Variants in MAGI2 observed in about 807,000 individuals in gnomAD.
MAGI2 encodes the protein membrane-associated guanylate kinase, WW and PDZ domain-containing protein 2.
In MAGI2, 35 loss-of-function variants were observed where a neutral mutation model predicts 133.3. The ratio of observed to expected loss-of-function variants is 0.26; its 90% CI spans 0.20 to 0.35. The LOEUF is 0.35. Among genes scored for constraint, MAGI2 ranks in the 10% least tolerant of loss-of-function variants. MAGI2 has a pLI of 1.00. For synonymous variants in MAGI2, 729 were observed against 710.6 expected, an observed-to-expected ratio of 1.03 and a Z score of -0.41; for missense variants, 1,636 against 1,863.4, an observed-to-expected ratio of 0.88 and a Z score of 2.25.
intron 10 of MAGI2, among the ~76,000 whole-genome samples, chr7:78,236,027 GTTTT>G (rs34874243): frequency 1.5e-5 from 2 of 134,630 alleles, no homozygotes; most frequent in Non-Finnish European, 3.2e-5. Flanking sequence ...AAGACTGTAT[GTTTT>G]TTTTTTTTTT....
At chr7:78,491,880 T>C (rs1284169966) in intron 5 of MAGI2, among the ~76,000 whole-genome samples, 2 of 55,770 alleles carry the variant, frequency 3.6e-5, no homozygotes, top group Non-Finnish European at 6.2e-5. Context: ...ATTGTGTGTG[T>C]GTGTGTGTGT....
At chr7:78,416,150 T>C (rs894912441) in intron 6 of MAGI2, among the ~76,000 whole-genome samples, 1 of 152,088 alleles carries the variant, frequency 6.6e-6, no homozygotes, top group Non-Finnish European at 1.5e-5. Context: ...AGGTATAACA[T>C]GGTCTGAAAT....
intron 20 of MAGI2, among the ~76,000 whole-genome samples, chr7:78,110,351 T>G (rs1819230513): frequency 6.6e-6 from 1 of 152,152 alleles, no homozygotes; most frequent in Admixed American, 6.5e-5. Flanking sequence ...TATGCATCCT[T>G]CAGGCAGATA....
intron 10 of MAGI2, among the ~76,000 whole-genome samples, chr7:78,228,681 C>T (rs1789651900): frequency 6.6e-6 from 1 of 151,942 alleles, no homozygotes; most frequent in Non-Finnish European, 1.5e-5. Context: ...GTAGATGTGG[C>T]AAATCTTTAT....
At chr7:79,304,441 G>T (rs533688967) in intron 1 of MAGI2, among the ~76,000 whole-genome samples, 5 of 151,920 alleles carry the variant, frequency 3.3e-5, no homozygotes, top group African/African-American at 1.2e-4. Flanking sequence ...GATGGGAGAC[G>T]GAAGGTTGAA....
At chr7:78,271,998 T>C (rs1240656187) in intron 9 of MAGI2, among the ~76,000 whole-genome samples, 1 of 152,198 alleles carries the variant, frequency 6.6e-6, no homozygotes, top group Non-Finnish European at 1.5e-5. Context: ...TTTGAGTTTG[T>C]ATGTTCTTGC....
chr7:78,980,627 T>C (rs1210716932), intron 2 of MAGI2, among the ~76,000 whole-genome samples: 1 of 151,902 alleles, frequency 6.6e-6, no homozygotes, highest in Non-Finnish European at 1.5e-5. Context: ...AAGTTAGCCA[T>C]TATTATTGTT....
intron 2 of MAGI2, among the ~76,000 whole-genome samples, chr7:78,773,672 G>A (rs970338325): frequency 6.6e-6 from 1 of 152,196 alleles, no homozygotes; most frequent in African/African-American, 2.4e-5. Context: ...CAGTCACATA[G>A]AATAGGTAAC....
intron 3 of MAGI2, among the ~76,000 whole-genome samples, chr7:78,556,906 G>C (rs2150723783): frequency 7.0e-6 from 1 of 142,360 alleles, no homozygotes; most frequent in Admixed American, 7.3e-5. Flanking sequence ...GGCTAACATG[G>C]TGAAACCCCG....
intron 7 of MAGI2, chr7:78,359,334 T>C (rs1293400757): frequency 2.6e-5 from 4 of 152,204 alleles, no homozygotes; most frequent in Admixed American, 2.0e-4. Flanking sequence ...CTTACTGTTA[T>C]TCAAAGGATA....
intron 2 of MAGI2, among the ~76,000 whole-genome samples, chr7:78,698,603 T>G (rs1457772855): frequency 6.6e-6 from 1 of 152,238 alleles, no homozygotes; most frequent in Admixed American, 6.5e-5. Flanking sequence ...TGTATTAGCC[T>G]GTTCTCACAC....
chr7:78,042,495 C>T (rs920451242), intron 21 of MAGI2, among the ~76,000 whole-genome samples: 9 of 152,146 alleles, frequency 5.9e-5, no homozygotes, highest in African/African-American at 2.2e-4. Context: ...TATTGTAGTA[C>T]AGGGTTTAAG....
At chr7:79,279,426 C>T (rs1263377406) in intron 1 of MAGI2, among the ~76,000 whole-genome samples, 1 of 152,164 alleles carries the variant, frequency 6.6e-6, no homozygotes, top group Non-Finnish European at 1.5e-5. Flanking sequence ...GTAGCCTGGA[C>T]AGAGCCCTAG....
chr7:79,151,048 A>T (rs1039580963), intron 1 of MAGI2, among the ~76,000 whole-genome samples: 1 of 152,006 alleles, frequency 6.6e-6, no homozygotes, highest in Non-Finnish European at 1.5e-5. Context: ...GACCAGGCAG[A>T]CTTTTTAAAA....
At chr7:78,584,421 GAAAAAA>G (rs57844382) in intron 3 of MAGI2, among the ~76,000 whole-genome samples, 10 of 83,934 alleles carry the variant, frequency 1.2e-4, no homozygotes, top group African/African-American at 3.5e-4. Context: ...CTCCGTCTCA[GAAAAAA>G]AAAAAAAAAA....
At chr7:78,645,513 A>G (rs912269203) in intron 2 of MAGI2, among the ~76,000 whole-genome samples, 5 of 152,170 alleles carry the variant, frequency 3.3e-5, no homozygotes, top group Non-Finnish European at 7.4e-5. Flanking sequence ...TCAAAAATCA[A>G]TCAATATAAT....
intron 1 of MAGI2, among the ~76,000 whole-genome samples, chr7:79,165,205 T>C (rs1824799690): frequency 6.6e-6 from 1 of 151,664 alleles, no homozygotes; most frequent in African/African-American, 2.4e-5. Flanking sequence ...TCTCAGTGCA[T>C]TTAAGCTTAA....
intron 1 of MAGI2, among the ~76,000 whole-genome samples, chr7:79,036,005 C>G (rs2116857775): frequency 6.6e-6 from 1 of 152,246 alleles, no homozygotes; most frequent in South Asian, 2.1e-4. Flanking sequence ...TGATAACATA[C>G]AGATATGCGC....
chr7:78,091,282 A>G (rs1298844590), intron 20 of MAGI2, among the ~76,000 whole-genome samples: 1 of 152,028 alleles, frequency 6.6e-6, no homozygotes, highest in Non-Finnish European at 1.5e-5. Context: ...TGGGTCATGA[A>G]TGGGTGAATG....
Sources: allele counts gnomAD v4.1 joint callset (sites outside exome capture counted in the v4.1 genomes callset), GRCh38; gene constraint gnomAD v4.1.1; transcripts MANE v1.5; gene names NCBI Gene and HGNC (gene_info 2026-07-23, HGNC 2026-07-21).